Variants in ZCCHC4 observed in about 807,000 individuals in gnomAD.
ZCCHC4 encodes rRNA N(6)-adenosine-methyltransferase ZCCHC4.
ZCCHC4 carries 54 observed loss-of-function variants against 67.7 expected under a neutral mutation model. The observed-to-expected ratio is 0.80, with a 90% CI of 0.64 to 1.00. ZCCHC4 has a LOEUF of 1.00. Ranked by LOEUF, ZCCHC4 falls within the 50% of genes least tolerant of loss-of-function variation. ZCCHC4 has a pLI of 0.00. For missense variants in ZCCHC4, 609 were observed against 617.0 expected, an observed-to-expected ratio of 0.99 and a Z score of 0.14; for synonymous variants, 198 against 213.5, an observed-to-expected ratio of 0.93 and a Z score of 0.63.
At chr4:25,368,157 C>G (rs1721017703) in intron 12 of ZCCHC4, among the ~76,000 whole-genome samples, 1 of 152,140 alleles carries the variant, frequency 6.6e-6, no homozygotes, top group Non-Finnish European at 1.5e-5. Flanking sequence ...CTGACAAGAT[C>G]AAGAATAAGC....
chr4:25,340,532 A>T (rs1384909039), intron 5 of ZCCHC4, among the ~76,000 whole-genome samples: 1 of 152,204 alleles, frequency 6.6e-6, no homozygotes, highest in African/African-American at 2.4e-5. Flanking sequence ...CTACAAAAAA[A>T]GCCAGCTGAG....
intron 12 of ZCCHC4, among the ~76,000 whole-genome samples, chr4:25,367,622 A>G (rs906668063): frequency 6.6e-6 from 1 of 152,204 alleles, no homozygotes; most frequent in East Asian, 1.9e-4. Context: ...TATAGTATGC[A>G]TGAATCAGTA....
At chr4:25,350,254 C>CTTTTTTTTTTTT (rs751802021) in intron 7 of ZCCHC4, among the ~76,000 whole-genome samples, 1 of 84,914 alleles carries the variant, frequency 1.2e-5, no homozygotes, top group Non-Finnish European at 2.2e-5. Flanking sequence ...GGTACTGCTT[C>CTTTTTTTTTTTT]TTTTTTTTTT....
chr4:25,336,851 C>T (rs548670928), intron 5 of ZCCHC4, among the ~76,000 whole-genome samples: 91 of 152,234 alleles, frequency 6.0e-4, no homozygotes, highest in African/African-American at 2.1e-3. Context: ...CTCACATTAG[C>T]CCTGTAAGAT....
chr4:25,352,063 C>T, intron 8 of ZCCHC4: 5 of 995,146 alleles, frequency 5.0e-6, no homozygotes, highest in Admixed American at 5.9e-5. Flanking sequence ...ACGTTGGTTT[C>T]CTCTTTTCAG....
intron 2 of ZCCHC4, 33 bp downstream of exon 2, chr4:25,314,197 T>A (rs766486571): frequency 7.0e-7 from 1 of 1,438,090 alleles, no homozygotes; most frequent in African/African-American, 1.4e-5. Context: ...TATTTTTTAT[T>A]TTTGGTATGT....
rs61227153 is a variant in ZCCHC4 at position 25,314,015 on chromosome 4, C to CTTTT, written c.128-19_128-16dup. The CTTTT allele has an allele frequency of 0.037, 37,712 of 1,016,598 alleles. 191 individuals carry two copies. The highest frequency in any genetic ancestry group is 0.043 in the Non-Finnish European group (30,425 of 709,248). The allele number at this position is 1,016,598 out of a possible 1,614,324, so 63.0% of individuals were successfully genotyped here. A position where few individuals can be genotyped will look rare whatever the true frequency, so the allele number is the denominator to read the frequency against. On this transcript the variant is annotated intron_variant, in intron 1 of 12. Transcript: ENST00000302874. ...TGACGTAGATGACCATTACTTGACA[C>CTTTT]TTTTTTTTTTTTTTTCTATTCTGGA...
intron 3 of ZCCHC4, among the ~76,000 whole-genome samples, chr4:25,325,433 A>G (rs1398308328): frequency 2.7e-5 from 4 of 150,312 alleles, no homozygotes; most frequent in Non-Finnish European, 5.9e-5. Flanking sequence ...ACACCCGGCT[A>G]ATTTTTTTTT....
At chr4:25,337,725 C>T (rs372964888) in intron 5 of ZCCHC4, among the ~76,000 whole-genome samples, 4 of 152,328 alleles carry the variant, frequency 2.6e-5, no homozygotes, top group East Asian at 1.9e-4. Context: ...CAGCAGCACT[C>T]ATGTTCCTAA....
rs11318046 is a variant in ZCCHC4, at chr4:25,325,241, C to CA, written c.330-7920dup. On this transcript the variant is annotated intron_variant, in intron 3 of 12. Transcript: ENST00000302874. ...CCTGGGCGACAGGGAGACTCCGTCT[C>CA]AAAAAAAAAAAAAAAAAAAAAAGAA... Among the ~76,000 whole-genome samples, 511 of 74,386 alleles carry CA rather than the reference C, an allele frequency of 6.9e-3. 5 individuals are homozygous for CA. Among genetic ancestry groups the CA allele is most frequent in the African/African-American group, 8.7e-3 (149 of 17,160 alleles). 48.8% of individuals were successfully genotyped at this position (74,386 alleles called of 152,430 possible). A position where few individuals can be genotyped will look rare whatever the true frequency, so the allele number is the denominator to read the frequency against.
intron 2 of ZCCHC4, among the ~76,000 whole-genome samples, chr4:25,314,601 C>G (rs1026411586): frequency 6.6e-6 from 1 of 152,086 alleles, no homozygotes; most frequent in Non-Finnish European, 1.5e-5. Context: ...TCTTTATATC[C>G]TCATTTCCCA....
At chr4:25,333,869 G>A in intron 4 of ZCCHC4, 39 bp from the exon 5 acceptor site, 1 of 1,376,860 alleles carries the variant, frequency 7.3e-7, no homozygotes, top group South Asian at 1.3e-5. Context: ...TATGACATTT[G>A]TAATATCTTA....
chr4:25,316,613 G>A (rs10013221), intron 3 of ZCCHC4, among the ~76,000 whole-genome samples: 66,709 of 151,732 alleles, frequency 0.44, 16,463 homozygotes, highest in Non-Finnish European at 0.56. Context: ...GGCTATTTAT[G>A]TATGATCTTT....
chr4:25,352,234 A>G (rs1720333481), intron 8 of ZCCHC4: 1 of 985,412 alleles, frequency 1.0e-6, no homozygotes, highest in African/African-American at 1.7e-5. Context: ...CTTCACAGCA[A>G]TGACTATGGA....
At position 25,347,124 on chromosome 4, in the gene ZCCHC4, G is replaced by A. The variant is rs1224535235; in HGVS notation, c.759+1504G>A. On this transcript the variant is annotated intron_variant, in intron 6 of 12. Transcript: ENST00000302874. The stretch of plus-strand genomic sequence containing the variant: ...TGTCAGGTGGAGTCAGGGCTGTGTC[G>A]TAGTAAATGAGGAAGTAATCGAGTT... 4.6e-5 allele frequency among the ~76,000 whole-genome samples: 7 copies of A among 152,176 alleles called. No homozygotes were observed. The South Asian group carries it at 6.2e-4, about 13-fold the overall frequency.
chr4:25,336,588 G>A (rs924076481), intron 5 of ZCCHC4, among the ~76,000 whole-genome samples: 4 of 152,180 alleles, frequency 2.6e-5, no homozygotes, highest in Non-Finnish European at 5.9e-5. Flanking sequence ...CTGGGCTCAA[G>A]CGATTCTCCT....
chr4:25,315,247 A>G (rs1255940961), intron 2 of ZCCHC4, 71 bp from the exon 3 acceptor site: 1 of 1,324,704 alleles, frequency 7.5e-7, no homozygotes, highest in East Asian at 2.5e-5. Flanking sequence ...TGATGTCAGA[A>G]TGTGATGCCA....
At chr4:25,353,852 C>T (rs570428278) in intron 8 of ZCCHC4, among the ~76,000 whole-genome samples, 3 of 152,120 alleles carry the variant, frequency 2.0e-5, no homozygotes, top group South Asian at 2.1e-4. Flanking sequence ...TTCTTGCTGT[C>T]GGCATTGTCA....
rs998471687 is a variant in ZCCHC4 at position 25,333,075 on chromosome 4, C to T, written c.330-108C>T. 24 of 1,119,628 alleles carry T rather than the reference C, an allele frequency of 2.1e-5. No individual in the cohort carries two copies. In the Admixed American group the frequency reaches 6.5e-4, roughly 30 times the overall value. The allele number at this position is 1,119,628 out of a possible 1,614,324, so 69.4% of individuals were successfully genotyped here. ...TCCTACTTTTCTTCTTTACGCAGTA[C>T]TCTTTAGGAAGTAAAAATACTTTTT... On this transcript the variant is annotated intron_variant, in intron 3 of 12. Transcript: ENST00000302874.
Sources: allele counts gnomAD v4.1 joint callset (sites outside exome capture counted in the v4.1 genomes callset), GRCh38; gene constraint gnomAD v4.1.1; transcripts MANE v1.5; gene names NCBI Gene and HGNC (gene_info 2026-07-23, HGNC 2026-07-21).